Variants in GFRA1 observed in about 807,000 individuals in gnomAD.
GFRA1 encodes the protein GDNF family receptor alpha-1.
A neutral mutation model predicts 51.6 loss-of-function variants in GFRA1; 16 were observed. The observed-to-expected ratio is 0.31, with a 90% confidence interval of 0.21 to 0.47. GFRA1 has a LOEUF of 0.47. GFRA1 is among the 20% of genes least tolerant of loss of function. The pLI is 1.00. For missense variants in GFRA1, 530 were observed against 594.3 expected (o/e 0.89, Z 1.13); for synonymous variants, 270 against 241.3 (o/e 1.12, Z -1.10).
rs180554 is a variant in GFRA1 at position 116,059,049 on chromosome 10, G to A, written c.*5349C>T. On this transcript the variant is annotated 3_prime_UTR_variant, in exon 11 of 11. Coordinates refer to ENST00000355422, the MANE Select transcript of GFRA1 (RefSeq NM_005264.8). ...CAGATTTAAAGTCACTTGGATCCCA[G>A]TGCTTTTTCAGACCCTTTCTCCTAG... The A allele has an allele frequency of 0.4, 61,437 of 152,064 alleles. 15,326 individuals carry two copies. The highest frequency in any genetic ancestry group is 0.7 in the African/African-American group (28,829 of 41,452). 9.4% of individuals were successfully genotyped at this position (152,064 alleles called of 1,614,324 possible). A position where few individuals can be genotyped will look rare whatever the true frequency, so the allele number is the denominator to read the frequency against.
At chr10:116,210,057 G>A (rs1965071765) in intron 5 of GFRA1, among the ~76,000 whole-genome samples, 1 of 152,140 alleles carries the variant, frequency 6.6e-6, no homozygotes, top group African/African-American at 2.4e-5. Flanking sequence ...ATTTGTAGAT[G>A]ATTATAACTT....
At chr10:116,164,082 G>A (rs1008019896) in intron 5 of GFRA1, among the ~76,000 whole-genome samples, 1 of 152,114 alleles carries the variant, frequency 6.6e-6, no homozygotes, top group African/African-American at 2.4e-5. Flanking sequence ...AGCAAAGGAC[G>A]GCCACTCTTC....
intron 5 of GFRA1, among the ~76,000 whole-genome samples, chr10:116,203,015 C>T (rs2134397486): frequency 6.6e-6 from 1 of 151,984 alleles, no homozygotes; most frequent in East Asian, 1.9e-4. Context: ...CTGGCCAAGC[C>T]TTATGGAGAT....
intron 4 of GFRA1, among the ~76,000 whole-genome samples, chr10:116,227,616 T>G (rs999309010): frequency 2.6e-5 from 4 of 152,264 alleles, no homozygotes; most frequent in Non-Finnish European, 5.9e-5. Context: ...TATCTACTTT[T>G]GTTCAGCATC....
intron 5 of GFRA1, among the ~76,000 whole-genome samples, chr10:116,206,861 T>G (rs1964816275): frequency 6.6e-6 from 1 of 151,906 alleles, no homozygotes; most frequent in South Asian, 2.1e-4. Context: ...CTCGATCTCC[T>G]GACCTCGTGA....
intron 4 of GFRA1, among the ~76,000 whole-genome samples, chr10:116,233,021 C>T (rs1966778247): frequency 6.6e-6 from 1 of 152,148 alleles, no homozygotes; most frequent in Admixed American, 6.5e-5. Context: ...TTACTTCTTT[C>T]TTGTTATTTA....
chr10:116,218,804 C>T (rs1416742858), intron 4 of GFRA1, among the ~76,000 whole-genome samples: 1 of 152,162 alleles, frequency 6.6e-6, no homozygotes, highest in Non-Finnish European at 1.5e-5. Flanking sequence ...CTCTTTAATG[C>T]TGCAAGATCT....
chr10:116,172,843 A>G (rs1961175888), intron 5 of GFRA1, among the ~76,000 whole-genome samples: 2 of 152,202 alleles, frequency 1.3e-5, no homozygotes, highest in Admixed American at 6.5e-5. Flanking sequence ...CCGCTGGCTC[A>G]GTTTGCACTT....
chr10:116,065,691 C>T, intron 9 of GFRA1, 65 bp from the exon 10 acceptor site: 1 of 1,285,666 alleles, frequency 7.8e-7, no homozygotes, highest in Non-Finnish European at 1.1e-6. Context: ...GATGATCCAT[C>T]AGTCAGCTGT....
At chr10:116,074,691 T>C (rs1955541344) in intron 9 of GFRA1, among the ~76,000 whole-genome samples, 1 of 152,180 alleles carries the variant, frequency 6.6e-6, no homozygotes, top group Non-Finnish European at 1.5e-5. Flanking sequence ...TGTCTTGAGT[T>C]TCCTCTCCAG....
In GFRA1 at chr10:116,234,862, T is replaced by G. The variant is rs1317154429; in HGVS notation, c.419-23217A>C. Among the ~76,000 whole-genome samples the G allele has an allele frequency of 3.3e-5, 5 of 152,158 alleles. No individual in the cohort carries two copies. The East Asian group carries it at 9.7e-4, about 29-fold the overall frequency. On this transcript the variant is annotated intron_variant, in intron 4 of 10. Coordinates refer to ENST00000355422, the MANE Select transcript of GFRA1 (RefSeq NM_005264.8). The stretch of plus-strand genomic sequence containing the variant: ...CGATGGGAGGTAATTTAATCATGGG[T>G]GGGGGGGTTCCCTCATGCTATTCTC...
intron 4 of GFRA1, among the ~76,000 whole-genome samples, chr10:116,248,988 T>C (rs1968094641): frequency 1.3e-5 from 2 of 152,044 alleles, no homozygotes; most frequent in Admixed American, 1.3e-4. Context: ...CTTCCCCCAG[T>C]TCCTAACCAG....
Position 116,073,989 on chromosome 10 carries a change from C to T in GFRA1, c.1198-8363G>A, listed in dbSNP as rs779544491. Among the ~76,000 whole-genome samples, 77 of 152,094 alleles carry T rather than the reference C, an allele frequency of 5.1e-4. 1 individual carries two copies. The highest frequency in any genetic ancestry group is 9.8e-4 in the Admixed American group (15 of 15,272). On this transcript the variant is annotated intron_variant, in intron 9 of 10. Coordinates refer to ENST00000355422, the MANE Select transcript of GFRA1 (RefSeq NM_005264.8). Reference sequence around the variant, plus strand: ...AAACCTTTAAAAGTTTTTTAGAATACGTGCTTTTAGAGAAAAATATTCTAG... The same window carrying T: ...AAACCTTTAAAAGTTTTTTAGAATATGTGCTTTTAGAGAAAAATATTCTAG...
intron 5 of GFRA1, among the ~76,000 whole-genome samples, chr10:116,134,919 GC>G (rs879891159): frequency 9.9e-5 from 15 of 152,170 alleles, no homozygotes; most frequent in Non-Finnish European, 1.8e-4. Flanking sequence ...TCACATGCTT[GC>G]TGCTGCGCAA....
rs1954958937 is a variant in GFRA1 at position 116,064,043 on chromosome 10, CATCATGATCATG to C, written c.*343_*354del. On this transcript the variant is annotated 3_prime_UTR_variant, in exon 11 of 11. Transcript: ENST00000355422. ...CCAGAAGTAAAACTGTTAAAATCAT[CATCATGATCATG>C]ATGATCATCATCATGATCATGATGA... 1.0e-5 allele frequency: 1 copy of C among 97,246 alleles called. No individual in the cohort carries two copies. The highest frequency in any genetic ancestry group is 1.9e-4 in the African/African-American group (1 of 5,152). The allele number at this position is 97,246 out of a possible 1,614,324, so 6.0% of individuals were successfully genotyped here.
intron 4 of GFRA1, among the ~76,000 whole-genome samples, chr10:116,251,963 C>CTTTTTTTTTTTT (rs3032041): frequency 3.8e-5 from 3 of 79,802 alleles, no homozygotes; most frequent in Admixed American, 1.6e-4. Context: ...CAATAGGCCT[C>CTTTTTTTTTTTT]TTTTTTTTTT....
At chr10:116,206,695 C>G (rs1335371000) in intron 5 of GFRA1, among the ~76,000 whole-genome samples, 1 of 146,930 alleles carries the variant, frequency 6.8e-6, no homozygotes, top group Non-Finnish European at 1.5e-5. Context: ...TGCAGCCGCG[C>G]GATCTCGGCT....
chr10:116,169,861 A>G (rs1589841360), intron 5 of GFRA1, among the ~76,000 whole-genome samples: 1 of 152,296 alleles, frequency 6.6e-6, no homozygotes, highest in East Asian at 1.9e-4. Context: ...ACACTTAGCC[A>G]TCCACAGACA....
intron 6 of GFRA1, among the ~76,000 whole-genome samples, chr10:116,120,457 C>T (rs1957597259): frequency 6.6e-6 from 1 of 152,056 alleles, no homozygotes; most frequent in African/African-American, 2.4e-5. Context: ...TGGTAGCATG[C>T]ACCTGTAGTC....
Sources: gnomAD v4.1 joint callset for allele counts (sites outside exome capture counted in the v4.1 genomes callset) on GRCh38, gnomAD v4.1.1 for gene constraint, MANE v1.5 for transcripts, NCBI Gene and HGNC (gene_info 2026-07-23, HGNC 2026-07-21) for gene names.